The following ALK variants were observed in gnomAD, a reference collection of about 807,000 sequenced individuals.
ALK encodes ALK tyrosine kinase receptor.
In ALK, 74 loss-of-function variants were observed where a neutral mutation model predicts 163.1. That is an observed-to-expected ratio of 0.45 (90% CI 0.38 to 0.55). The LOEUF is 0.55. Ranked by LOEUF, ALK falls within the 20% of genes least tolerant of loss-of-function variation. The pLI, the probability that ALK is intolerant of heterozygous loss-of-function variation, is 0.00. For synonymous variants in ALK, 960 were observed against 843.2 expected, an observed-to-expected ratio of 1.14 and a Z score of -2.40; for missense variants, 2,063 against 2,105.3, an observed-to-expected ratio of 0.98 and a Z score of 0.39.
intron 1 of ALK, among the ~76,000 whole-genome samples, chr2:29,804,416 ATTGT>A (rs1351777061): frequency 1.3e-5 from 2 of 152,224 alleles, no homozygotes; most frequent in East Asian, 3.8e-4. Flanking sequence ...AATGCCCAGC[ATTGT>A]TTGGGTCACA....
intron 14 of ALK, 24 bp from the exon 15 acceptor site, chr2:29,232,472 AT>A (rs1558629831): frequency 6.2e-7 from 1 of 1,614,112 alleles, no homozygotes; most frequent in South Asian, 1.1e-5. Context: ...ACATTCAGAC[AT>A]TGAGAAACCG....
In ALK at chr2:29,383,785, C is replaced by T. The variant is rs760717114; in HGVS notation, c.1229G>A (p.Gly410Glu). ...FRVALEYISS[G>E]NRSLSAVDFF... ...GTCCACTGCAGACAAGCTGCGGTTTCCACTGGAGATGTATTCCAGGGCCAC... is the reference window on the plus strand; with the variant it reads ...GTCCACTGCAGACAAGCTGCGGTTTTCACTGGAGATGTATTCCAGGGCCAC... Residue 410 changes from glycine (G) to glutamate (E), a missense_variant, in exon 5 of 29, where the codon GGA (glycine) becomes GAA (glutamate). Transcript: ENST00000389048. 1.9e-6 allele frequency: 3 copies of T among 1,614,168 alleles called. No homozygotes were observed. Among genetic ancestry groups the T allele is most frequent in the Non-Finnish European group, 2.5e-6 (3 of 1,180,012 alleles).
intron 1 of ALK, among the ~76,000 whole-genome samples, chr2:29,775,367 T>C (rs556537142): frequency 6.6e-6 from 1 of 152,256 alleles, no homozygotes; most frequent in African/African-American, 2.4e-5. Flanking sequence ...GTCTTGTTAT[T>C]TTGCTAACCA....
rs369676103 is a variant in ALK at position 29,216,935 on chromosome 2, G to GGCA, written c.3646-2855_3646-2854insTGC. 3.0e-3 allele frequency among the ~76,000 whole-genome samples: 86 copies of GGCA among 28,910 alleles called. 1 individual carries two copies. Among genetic ancestry groups the GGCA allele is most frequent in the African/African-American group, 4.2e-3 (77 of 18,326 alleles). 19.0% of individuals were successfully genotyped at this position (28,910 alleles called of 152,430 possible). On this transcript the variant is annotated intron_variant, in intron 23 of 28. Transcript: ENST00000389048. ...TATATGTCTTTATGGTGTGTGGGGG[G>GGCA]TGTGTGTGTGGCATGTGATGTGTGT... is the stretch of plus-strand genomic sequence containing the variant.
intron 3 of ALK, among the ~76,000 whole-genome samples, chr2:29,572,290 T>A (rs1177823062): frequency 6.6e-6 from 1 of 152,238 alleles, no homozygotes; most frequent in Non-Finnish European, 1.5e-5. Context: ...TCTTGAGCCC[T>A]GGAAGGAGAC....
intron 3 of ALK, among the ~76,000 whole-genome samples, chr2:29,606,912 C>A (rs1330735411): frequency 1.3e-5 from 2 of 152,218 alleles, no homozygotes; most frequent in Non-Finnish European, 2.9e-5. Flanking sequence ...ACACTAGTTG[C>A]CCCTCTTAGA....
intron 1 of ALK, among the ~76,000 whole-genome samples, chr2:29,780,154 C>A (rs1052178665): frequency 6.6e-6 from 1 of 152,224 alleles, no homozygotes; most frequent in Non-Finnish European, 1.5e-5. Flanking sequence ...ACACTGCATT[C>A]ATCTTGAAAA....
intron 12 of ALK, among the ~76,000 whole-genome samples, chr2:29,242,619 A>G (rs1040999902): frequency 1.3e-5 from 2 of 152,130 alleles, no homozygotes; most frequent in Non-Finnish European, 1.5e-5. Context: ...GCTCCAAGTC[A>G]TCTGCTGGTT....
intron 5 of ALK, among the ~76,000 whole-genome samples, chr2:29,372,991 A>C (rs1320387228): frequency 6.6e-6 from 1 of 151,390 alleles, no homozygotes; most frequent in Non-Finnish European, 1.5e-5. Flanking sequence ...CTTCACAGCC[A>C]CATTTTTTTT....
At position 29,462,462 on chromosome 2, in the gene ALK, G is replaced by GTCAAC. The variant is rs138541121; in HGVS notation, c.1154+69448_1154+69452dup. On this transcript the variant is annotated intron_variant, in intron 4 of 28. Transcript: ENST00000389048. ...CCTTCAGCATCCACTACCCTGATTA[G>GTCAAC]TCAACAGCCACCAACATTGAGGTCA... 5.7e-3 allele frequency among the ~76,000 whole-genome samples: 873 copies of GTCAAC among 152,210 alleles called. 8 individuals carry two copies. The highest frequency in any genetic ancestry group is 0.02 in the African/African-American group (830 of 41,528).
chr2:29,783,859 GC>G lies in ALK; in HGVS notation c.668-66163del, dbSNP rs1168901640. On this transcript the variant is annotated intron_variant, in intron 1 of 28. Transcript: ENST00000389048. ...ACAAAGTGTTGTTACGGAGCAGGTG[GC>G]CTGAGCACCCATCCCAGTCCTCCAG... 7.2e-5 allele frequency among the ~76,000 whole-genome samples: 11 copies of G among 152,228 alleles called. No homozygotes were observed. The East Asian group carries it at 2.1e-3, about 29-fold the overall frequency.
At chr2:29,672,424 G>T (rs1208152074) in intron 3 of ALK, among the ~76,000 whole-genome samples, 1 of 150,472 alleles carries the variant, frequency 6.6e-6, no homozygotes, top group East Asian at 2.0e-4. Context: ...AGAATATGCG[G>T]TGTTTGGTTT....
chr2:29,691,033 G>A (rs1238850486), intron 3 of ALK, among the ~76,000 whole-genome samples: 1 of 152,190 alleles, frequency 6.6e-6, no homozygotes, highest in East Asian at 1.9e-4. Context: ...GTGCAGAATG[G>A]ACAGGTTGTT....
At chr2:29,265,759 G>A (rs772229746) in intron 11 of ALK, among the ~76,000 whole-genome samples, 6 of 152,072 alleles carry the variant, frequency 3.9e-5, no homozygotes, top group Non-Finnish European at 7.3e-5. Flanking sequence ...AGGCCTAGGC[G>A]AGTGGATCAC....
chr2:29,574,925 C>T (rs1674480778), intron 3 of ALK, among the ~76,000 whole-genome samples: 1 of 152,222 alleles, frequency 6.6e-6, no homozygotes, highest in Non-Finnish European at 1.5e-5. Flanking sequence ...CAGAAAAACA[C>T]ATGTGAAACC....
intron 6 of ALK, 77 bp from the exon 7 acceptor site, chr2:29,320,959 C>T (rs2148251227): frequency 3.9e-6 from 6 of 1,557,050 alleles, no homozygotes; most frequent in Non-Finnish European, 5.3e-6. Flanking sequence ...GTCGAATTAG[C>T]CAGGCATGAC....
At chr2:29,633,714 A>G (rs189084994) in intron 3 of ALK, among the ~76,000 whole-genome samples, 51 of 152,256 alleles carry the variant, frequency 3.3e-4, no homozygotes, top group African/African-American at 1.1e-3. Context: ...CAAATTACCA[A>G]TATGAGGAAG....
intron 5 of ALK, among the ~76,000 whole-genome samples, chr2:29,339,888 G>A (rs1015832276): frequency 2.6e-5 from 4 of 152,216 alleles, no homozygotes; most frequent in African/African-American, 4.8e-5. Flanking sequence ...TAGATTTACT[G>A]AGAACCGCCA....
chr2:29,790,740 C>T (rs1336092550), intron 1 of ALK, among the ~76,000 whole-genome samples: 2 of 152,146 alleles, frequency 1.3e-5, no homozygotes, highest in African/African-American at 4.8e-5. Context: ...CCCACCACTA[C>T]ACCCGGCTAA....
Sources: allele counts gnomAD v4.1 joint callset (sites outside exome capture counted in the v4.1 genomes callset), GRCh38; gene constraint gnomAD v4.1.1; transcripts MANE v1.5; gene names NCBI Gene and HGNC (gene_info 2026-07-23, HGNC 2026-07-21).